Variants in PSMA5 observed in about 807,000 individuals in gnomAD.
PSMA5 encodes the protein proteasome 20S subunit alpha 5.
Under a neutral mutation model 34.5 loss-of-function variants are expected in PSMA5, and 3 were observed. That is an observed-to-expected ratio of 0.09 (90% confidence interval 0.04 to 0.22). PSMA5 has a LOEUF of 0.22. PSMA5 is among the 10% of genes least tolerant of loss of function. The pLI is 1.00. For missense variants in PSMA5, 120 were observed against 286.1 expected (o/e 0.42, Z 4.19); for synonymous variants, 88 against 95.8 (o/e 0.92, Z 0.47).
chr1:109,419,715 C>T (rs1386090344), intron 2 of PSMA5, among the ~76,000 whole-genome samples: 2 of 147,900 alleles, frequency 1.4e-5, no homozygotes, highest in African/African-American at 5.1e-5. Flanking sequence ...AGGAGAATTG[C>T]TTGAACCTGG....
At chr1:109,424,665 C>G (rs1358934583) in intron 1 of PSMA5, among the ~76,000 whole-genome samples, 1 of 151,462 alleles carries the variant, frequency 6.6e-6, no homozygotes, top group African/African-American at 2.4e-5. Context: ...ATCCCAGCTA[C>G]TCAGGACGCT....
chr1:109,425,618 A>G (rs1654624003), intron 1 of PSMA5: 1 of 152,238 alleles, frequency 6.6e-6, no homozygotes, highest in Non-Finnish European at 1.5e-5. Flanking sequence ...AACTGACGAA[A>G]ACAGAAACTG....
rs1019813472 is a variant in PSMA5 at position 109,401,039 on chromosome 1, T to C, written c.*974A>G. ...AGCATTAGATTCTTCATCTGTTAAG[T>C]AGTGATACTGATACCATCTTCCCGT... On this transcript the variant is annotated 3_prime_UTR_variant, in exon 9 of 9. Transcript: ENST00000271308. The C allele has an allele frequency of 2.0e-5, 3 of 152,204 alleles. No homozygotes were observed. The highest frequency in any genetic ancestry group is 4.4e-5 in the Non-Finnish European group (3 of 68,036). 9.4% of individuals were successfully genotyped at this position (152,204 alleles called of 1,614,324 possible).
At chr1:109,405,453 T>TTC in intron 8 of PSMA5, among the ~76,000 whole-genome samples, 1 of 147,942 alleles carries the variant, frequency 6.8e-6, no homozygotes, top group East Asian at 2.0e-4. Flanking sequence ...AAAGGTTTTT[T>TTC]TTTTTTTTTT....
At chr1:109,408,836 G>A (rs930869606) in intron 8 of PSMA5, among the ~76,000 whole-genome samples, 2 of 151,736 alleles carry the variant, frequency 1.3e-5, no homozygotes, top group Admixed American at 1.3e-4. Context: ...GATTACAGGC[G>A]TCCACCACCA....
At chr1:109,403,977 T>C (rs922966581) in intron 8 of PSMA5, among the ~76,000 whole-genome samples, 1 of 152,226 alleles carries the variant, frequency 6.6e-6, no homozygotes, top group Non-Finnish European at 1.5e-5. Context: ...TAGTTTACCA[T>C]GTAGACCATG....
chr1:109,408,269 C>T (rs982565395), intron 8 of PSMA5, among the ~76,000 whole-genome samples: 1 of 152,202 alleles, frequency 6.6e-6, no homozygotes, highest in African/African-American at 2.4e-5. Context: ...GACAAAACCT[C>T]AAAGTTTCCT....
intron 1 of PSMA5, among the ~76,000 whole-genome samples, chr1:109,422,473 C>A (rs1364767330): frequency 7.0e-6 from 1 of 142,828 alleles, no homozygotes; most frequent in Non-Finnish European, 1.5e-5. Flanking sequence ...CTATAAAACA[C>A]AGTTATTACT....
At chr1:109,426,120 G>T in intron 1 of PSMA5, 182 bp downstream of exon 1, 1 of 737,046 alleles carries the variant, frequency 1.4e-6, no homozygotes, top group Non-Finnish European at 2.3e-6. Context: ...TAGGACAAGT[G>T]CCGCCGATGT....
chr1:109,405,447 GTTTTTTTTTTT>G (rs11390638), intron 8 of PSMA5, among the ~76,000 whole-genome samples: 9 of 118,286 alleles, frequency 7.6e-5, no homozygotes, highest in Non-Finnish European at 9.9e-5. Flanking sequence ...GTCAGAAAAG[GTTTTTTTTTTT>G]TTTTTTTTTG....
chr1:109,405,094 C>T (rs532536710), intron 8 of PSMA5, among the ~76,000 whole-genome samples: 1 of 152,310 alleles, frequency 6.6e-6, no homozygotes, highest in East Asian at 1.9e-4. Context: ...CCACAGCTTG[C>T]ACATGGAATA....
chr1:109,417,894 A>G (rs1170429399), intron 2 of PSMA5, among the ~76,000 whole-genome samples: 1 of 152,168 alleles, frequency 6.6e-6, no homozygotes, highest in African/African-American at 2.4e-5. Context: ...TACTATGGGC[A>G]AGGCATTTTG....
In PSMA5 at chr1:109,401,930, C is replaced by T; in HGVS notation, c.*83G>A. ...AAATGCACATACAATGGAGATTTTC[C>T]AAGGAACAGGAGCTGGAAATAAAAT... On this transcript the variant is annotated 3_prime_UTR_variant, in exon 9 of 9. Transcript: ENST00000271308. 2 of 1,082,170 alleles carry T rather than the reference C, an allele frequency of 1.8e-6. No individual in the cohort carries two copies. The highest frequency in any genetic ancestry group is 1.6e-5 in the African/African-American group (1 of 61,904). 67.0% of individuals were successfully genotyped at this position (1,082,170 alleles called of 1,614,324 possible). A position where few individuals can be genotyped will look rare whatever the true frequency, so the allele number is the denominator to read the frequency against.
intron 1 of PSMA5, chr1:109,425,209 G>A (rs374962389): frequency 6.6e-6 from 1 of 152,224 alleles, no homozygotes; most frequent in African/African-American, 2.4e-5. Context: ...TGTATTTTAG[G>A]CCGTCTTGGG....
chr1:109,412,929 TG>T (rs1237934217), intron 4 of PSMA5, 138 bp downstream of exon 4: 4 of 678,570 alleles, frequency 5.9e-6, no homozygotes, highest in South Asian at 3.9e-5. Flanking sequence ...AAGTTCTAAC[TG>T]GGAATTCTAC....
At chr1:109,410,940 T>C in intron 7 of PSMA5, 71 bp downstream of exon 7, 2 of 1,181,324 alleles carry the variant, frequency 1.7e-6, no homozygotes, top group South Asian at 1.3e-5. Flanking sequence ...CTCTTAAGGT[T>C]TGCACATTTT....
rs1334532247 is a variant in PSMA5 at position 109,401,520 on chromosome 1, T to A, written c.*493A>T. ...AACCACTGGGAAGAGCTGGACTAGT[T>A]CATTTATCAACACCATGGGATTAAT... On this transcript the variant is annotated 3_prime_UTR_variant, in exon 9 of 9. Transcript: ENST00000271308. 6.6e-6 allele frequency: 1 copy of A among 152,268 alleles called. No individual in the cohort carries two copies. Among genetic ancestry groups the A allele is most frequent in the Non-Finnish European group, 1.5e-5 (1 of 68,092 alleles). 9.4% of individuals were successfully genotyped at this position (152,268 alleles called of 1,614,324 possible). A position where few individuals can be genotyped will look rare whatever the true frequency, so the allele number is the denominator to read the frequency against.
intron 1 of PSMA5, among the ~76,000 whole-genome samples, chr1:109,424,980 C>A (rs551428564): frequency 7.2e-6 from 1 of 139,790 alleles, no homozygotes; most frequent in South Asian, 2.1e-4. Flanking sequence ...AGCGAGACTC[C>A]GTCTCAAAAA....
chr1:109,415,384 A>G, intron 2 of PSMA5, 21 bp from the exon 3 acceptor site: 5 of 1,605,530 alleles, frequency 3.1e-6, no homozygotes, highest in Non-Finnish European at 3.4e-6. Context: ...ACATGTTATG[A>G]TTACCATATA....
Sources: allele counts gnomAD v4.1 joint callset (sites outside exome capture counted in the v4.1 genomes callset), GRCh38; gene constraint gnomAD v4.1.1; transcripts MANE v1.5; gene names NCBI Gene and HGNC (gene_info 2026-07-23, HGNC 2026-07-21).